ANO3: variants seen among roughly 807,000 people sequenced by gnomAD.
The protein encoded by ANO3 is anoctamin-3.
ANO3 carries 99 observed loss-of-function variants against 144.8 expected under a neutral mutation model. The observed-to-expected ratio is 0.68, with a 90% CI of 0.58 to 0.81. ANO3 has a LOEUF of 0.81. Among genes scored for constraint, ANO3 ranks in the 30% least tolerant of loss-of-function variants. The probability of loss-of-function intolerance (pLI) is 0.00; values close to 1 mark genes in which losing one functional copy is unlikely to be tolerated. For missense variants in ANO3, 905 were observed against 1,202.2 expected (o/e 0.75, Z 3.66); for synonymous variants, 414 against 392.6 (o/e 1.05, Z -0.64).
chr11:26,509,815 G>A (rs1861587262), intron 5 of ANO3, among the ~76,000 whole-genome samples: 1 of 151,908 alleles, frequency 6.6e-6, no homozygotes, highest in South Asian at 2.1e-4. Context: ...ACATTAGGAA[G>A]TACTAAACTG....
Position 26,591,138 on chromosome 11 carries a change from G to A in ANO3, c.1448-7227G>A, listed in dbSNP as rs554392390. 1.7e-3 allele frequency among the ~76,000 whole-genome samples: 254 copies of A among 152,208 alleles called. 1 individual carries two copies. Among genetic ancestry groups the A allele is most frequent in the African/African-American group, 5.3e-3 (222 of 41,520 alleles). The stretch of plus-strand genomic sequence containing the variant: ...AAGCCCCGTGTTTAAAGGTAGGTGC[G>A]GTCCCCTTCCCCAGCTAGGCTTAGG... On this transcript the variant is annotated intron_variant, in intron 14 of 26. Transcript: ENST00000256737.
At chr11:26,421,584 T>C (rs1257063455) in intron 1 of ANO3, among the ~76,000 whole-genome samples, 1 of 152,042 alleles carries the variant, frequency 6.6e-6, no homozygotes, top group African/African-American at 2.4e-5. Context: ...AAAAATCTGT[T>C]AGGTAATAAT....
At chr11:26,629,447 T>TA (rs1386963546) in intron 18 of ANO3, among the ~76,000 whole-genome samples, 2 of 152,144 alleles carry the variant, frequency 1.3e-5, no homozygotes, top group Non-Finnish European at 2.9e-5. Context: ...AAAAAATTCT[T>TA]ACGGCCAAGA....
rs1183023481 is a variant in ANO3, at chr11:26,544,251, C to CACATATATATAT, written c.1154+2184_1154+2185insCATATATATATA. Among the ~76,000 whole-genome samples the CACATATATATAT allele has an allele frequency of 4.1e-3, 156 of 38,452 alleles. 10 individuals are homozygous for CACATATATATAT. Among genetic ancestry groups the CACATATATATAT allele is most frequent in the East Asian group, 0.015 (9 of 590 alleles). The allele number at this position is 38,452 out of a possible 152,430, so 25.2% of individuals were successfully genotyped here. A position where few individuals can be genotyped will look rare whatever the true frequency, so the allele number is the denominator to read the frequency against. On this transcript the variant is annotated intron_variant, in intron 11 of 26. Transcript: ENST00000256737. ...TAAGGTTAAGTAGTATTTCATTATA[C>CACATATATATAT]ATATATATATATATATATATATACA...
intron 4 of ANO3, among the ~76,000 whole-genome samples, chr11:26,480,798 AC>A (rs1860185060): frequency 1.3e-5 from 2 of 152,112 alleles, no homozygotes; most frequent in Non-Finnish European, 2.9e-5. Context: ...ACAGAGTGAG[AC>A]CCTGTCTCAA....
intron 20 of ANO3, among the ~76,000 whole-genome samples, chr11:26,636,670 T>G (rs1049556048): frequency 6.6e-6 from 1 of 152,254 alleles, no homozygotes; most frequent in African/African-American, 2.4e-5. Flanking sequence ...TTAAATCTTT[T>G]CAGTGTAGCT....
intron 1 of ANO3, among the ~76,000 whole-genome samples, chr11:26,365,981 TATATATATATATA>T (rs1201844915): frequency 5.1e-3 from 37 of 7,250 alleles, no homozygotes; most frequent in Middle Eastern, 0.05. Context: ...TATATATATA[TATATATATATATA>T]TATATATATT....
At chr11:26,466,140 G>T (rs1289133923) in intron 4 of ANO3, among the ~76,000 whole-genome samples, 1 of 151,854 alleles carries the variant, frequency 6.6e-6, no homozygotes, top group African/African-American at 2.4e-5. Flanking sequence ...GACCAATATG[G>T]CAAACAGTAA....
intron 4 of ANO3, among the ~76,000 whole-genome samples, chr11:26,498,538 TTAA>T (rs1287703061): frequency 5.3e-5 from 8 of 149,900 alleles, no homozygotes; most frequent in Non-Finnish European, 8.9e-5. Context: ...TCAATAATTA[TTAA>T]TAATTAAAAT....
At chr11:26,248,789 G>T (rs1007681140) in intron 1 of ANO3, among the ~76,000 whole-genome samples, 1 of 152,136 alleles carries the variant, frequency 6.6e-6, no homozygotes, top group African/African-American at 2.4e-5. Flanking sequence ...CCTGGGCAGG[G>T]ACTAGTACTG....
intron 1 of ANO3, among the ~76,000 whole-genome samples, chr11:26,196,308 C>T (rs1851587423): frequency 6.6e-6 from 1 of 152,038 alleles, no homozygotes; most frequent in Non-Finnish European, 1.5e-5. Context: ...AATAAATTAT[C>T]TTTTTCTTCT....
upstream of ANO3, among the ~76,000 whole-genome samples, chr11:26,330,857 T>C (rs1021859572): frequency 6.6e-6 from 1 of 152,202 alleles, no homozygotes; most frequent in Non-Finnish European, 1.5e-5. Context: ...GTTTGGAAAT[T>C]TCTGCATATT....
chr11:26,209,478 G>A (rs1023995532), intron 1 of ANO3, among the ~76,000 whole-genome samples: 2 of 152,180 alleles, frequency 1.3e-5, no homozygotes, highest in Admixed American at 6.5e-5. Flanking sequence ...CTTTATAGTA[G>A]AATGATTTAT....
At chr11:26,272,325 C>T (rs778643360) in intron 1 of ANO3, among the ~76,000 whole-genome samples, 2 of 151,762 alleles carry the variant, frequency 1.3e-5, no homozygotes, top group Non-Finnish European at 2.9e-5. Flanking sequence ...CCTGCCATTT[C>T]GAAACAAATG....
At chr11:26,209,640 TCTC>T (rs1181138962) in intron 1 of ANO3, among the ~76,000 whole-genome samples, 2 of 152,190 alleles carry the variant, frequency 1.3e-5, no homozygotes, top group African/African-American at 2.4e-5. Context: ...TTTCTCATCT[TCTC>T]CAACATCTGT....
intron 4 of ANO3, among the ~76,000 whole-genome samples, chr11:26,472,540 C>T (rs1428286787): frequency 6.6e-6 from 1 of 151,720 alleles, no homozygotes; most frequent in Non-Finnish European, 1.5e-5. Flanking sequence ...CTACACTGCA[C>T]GTAATGGAGG....
chr11:26,333,861 TCTC>T (rs1329478551), intron 1 of ANO3, among the ~76,000 whole-genome samples: 3 of 152,222 alleles, frequency 2.0e-5, no homozygotes, highest in Non-Finnish European at 2.9e-5. Flanking sequence ...GAAGTTGTGT[TCTC>T]TTTAATCATG....
intron 1 of ANO3, among the ~76,000 whole-genome samples, chr11:26,207,730 G>GTAAGTTCATAAAATGTAGAATTCA (rs1554922677): frequency 2.0e-5 from 3 of 151,706 alleles, no homozygotes; most frequent in African/African-American, 7.3e-5. Context: ...CTAGATTACA[G>GTAAGTTCATAAAATGTAGAATTCA]TAAAACTGAC....
At chr11:26,309,138 A>C (rs1854450723), upstream of ANO3, among the ~76,000 whole-genome samples, 2 of 152,178 alleles carry the variant, frequency 1.3e-5, no homozygotes, top group Admixed American at 6.5e-5. Context: ...TAAGAGTTGA[A>C]TCATAAGAGT....
Sources: allele counts gnomAD v4.1 joint callset (sites outside exome capture counted in the v4.1 genomes callset), GRCh38; gene constraint gnomAD v4.1.1; transcripts MANE v1.5; gene names NCBI Gene and HGNC (gene_info 2026-07-23, HGNC 2026-07-21).